Variants in QTMAN observed in about 807,000 individuals in gnomAD.
QTMAN encodes tRNA-queuosine alpha-mannosyltransferase.
the QTMAN span, chr2:144,317,384 T>TGGAAGGAAGGAAGGAAGGATGGAAGGAA: frequency 1.0e-5 from 1 of 97,356 alleles, no homozygotes; most frequent in Non-Finnish European, 2.1e-5. Flanking sequence ...GAAGGAAGGA[T>TGGAAGGAAGGAAGGAAGGATGGAAGGAA]GGAAGGAAGG....
the QTMAN span, among the ~76,000 whole-genome samples, chr2:144,038,032 G>A: frequency 5.3e-5 from 8 of 152,154 alleles, no homozygotes; most frequent in African/African-American, 1.7e-4. Flanking sequence ...CTGAGCCTCT[G>A]TATCTTCATC....
the QTMAN span, among the ~76,000 whole-genome samples, chr2:144,116,592 G>C: frequency 1.2e-3 from 183 of 152,168 alleles, 1 homozygote; most frequent in South Asian, 7.3e-3. Context: ...CTATGAAGTG[G>C]GTTCAAATGA....
chr2:144,288,745 T>C, the QTMAN span, among the ~76,000 whole-genome samples: 2 of 152,178 alleles, frequency 1.3e-5, no homozygotes, highest in Non-Finnish European at 2.9e-5. Context: ...CCCTACTGTA[T>C]ACTACTTGGC....
the QTMAN span, among the ~76,000 whole-genome samples, chr2:144,116,308 T>C: frequency 2.7e-4 from 2 of 7,354 alleles, no homozygotes; most frequent in Non-Finnish European, 6.3e-4. Context: ...GGTGGGGGGG[T>C]GGGGGGGAGT....
chr2:144,107,013 A>G, the QTMAN span, among the ~76,000 whole-genome samples: 1 of 152,258 alleles, frequency 6.6e-6, no homozygotes, highest in Non-Finnish European at 1.5e-5. Context: ...ACTACTGGGT[A>G]CATAACAAAA....
At chr2:144,278,299 T>C in the QTMAN span, among the ~76,000 whole-genome samples, 45 of 152,270 alleles carry the variant, frequency 3.0e-4, 1 homozygote, top group South Asian at 9.3e-3. Flanking sequence ...GCTCTAACAT[T>C]TCTCTTGCAA....
the QTMAN span, among the ~76,000 whole-genome samples, chr2:144,322,725 G>C: frequency 8.5e-5 from 13 of 152,138 alleles, no homozygotes; most frequent in Non-Finnish European, 1.5e-4. Flanking sequence ...AGTTTCTTAA[G>C]GGTTAGTCGA....
At chr2:144,011,716 T>C in the QTMAN span, 1 of 984,962 alleles carries the variant, frequency 1.0e-6, no homozygotes, top group East Asian at 1.1e-4. Flanking sequence ...GACAGAATGT[T>C]TGTGCTGTCC....
the QTMAN span, among the ~76,000 whole-genome samples, chr2:144,187,122 G>C: frequency 6.6e-6 from 1 of 152,152 alleles, no homozygotes; most frequent in African/African-American, 2.4e-5. Flanking sequence ...CGTGATTATT[G>C]TCAAGTCACT....
At chr2:144,265,976 T>C in the QTMAN span, among the ~76,000 whole-genome samples, 2 of 152,300 alleles carry the variant, frequency 1.3e-5, no homozygotes, top group East Asian at 3.9e-4. Context: ...GCTCCTACCA[T>C]GGCACCCTGT....
At chr2:144,262,032 G>C in the QTMAN span, among the ~76,000 whole-genome samples, 1 of 152,110 alleles carries the variant, frequency 6.6e-6, no homozygotes, top group African/African-American at 2.4e-5. Flanking sequence ...TAACAAAATG[G>C]AAAGTAAGAT....
the QTMAN span, among the ~76,000 whole-genome samples, chr2:144,183,762 A>G: frequency 6.6e-6 from 1 of 152,190 alleles, no homozygotes; most frequent in Non-Finnish European, 1.5e-5. Flanking sequence ...GCATGTGCGG[A>G]CATCTTGAAG....
the QTMAN span, chr2:143,944,197 T>A: frequency 1.3e-5 from 2 of 152,192 alleles, no homozygotes; most frequent in African/African-American, 4.8e-5. Flanking sequence ...TAACACTCCA[T>A]TCCACTAGGT....
the QTMAN span, chr2:144,006,839 T>C: frequency 5.9e-5 from 11 of 187,740 alleles, no homozygotes; most frequent in Non-Finnish European, 1.2e-4. Flanking sequence ...ATATATGAAA[T>C]AGTTTTGTGA....
chr2:144,287,218 C>T, the QTMAN span, among the ~76,000 whole-genome samples: 1 of 152,120 alleles, frequency 6.6e-6, no homozygotes, highest in Non-Finnish European at 1.5e-5. Context: ...GGGCGGATCA[C>T]AAGGTCAGGA....
chr2:144,281,417 A>C, the QTMAN span, among the ~76,000 whole-genome samples: 1 of 150,382 alleles, frequency 6.6e-6, no homozygotes, highest in Non-Finnish European at 1.5e-5. Flanking sequence ...AAAAAAAAAA[A>C]ACGGAAAATA....
chr2:144,005,216 ATATATC>A, the QTMAN span, among the ~76,000 whole-genome samples: 3 of 152,054 alleles, frequency 2.0e-5, no homozygotes, highest in Non-Finnish European at 4.4e-5. Context: ...TATTAAAAAG[ATATATC>A]TATATGAGCA....
At chr2:144,154,455 G>A in the QTMAN span, among the ~76,000 whole-genome samples, 1 of 152,194 alleles carries the variant, frequency 6.6e-6, no homozygotes, top group African/African-American at 2.4e-5. Flanking sequence ...TAGTGATGGT[G>A]TAATACTCCT....
the QTMAN span, among the ~76,000 whole-genome samples, chr2:144,094,465 T>C: frequency 4.6e-5 from 7 of 152,198 alleles, no homozygotes; most frequent in Admixed American, 3.3e-4. Context: ...AGAGGTTTAA[T>C]TGACTCACAG....
Sources: allele counts gnomAD v4.1 joint callset (sites outside exome capture counted in the v4.1 genomes callset), GRCh38; gene constraint gnomAD v4.1.1; transcripts MANE v1.5; gene names NCBI Gene and HGNC (gene_info 2026-07-23, HGNC 2026-07-21).